BRINP3: variants seen among roughly 807,000 people sequenced by gnomAD.
BRINP3 encodes BMP/retinoic acid-inducible neural-specific protein 3.
In BRINP3, 19 loss-of-function variants were observed where a neutral mutation model predicts 71.0. That is an observed-to-expected ratio of 0.27 (90% CI 0.19 to 0.39). The LOEUF (loss-of-function observed/expected upper bound fraction) is 0.39, where lower values mean the gene tolerates loss of function less well. Among genes scored for constraint, BRINP3 ranks in the 10% least tolerant of loss-of-function variants. BRINP3 has a pLI of 1.00. For synonymous variants in BRINP3, 380 were observed against 337.7 expected (o/e 1.13, Z -1.37); for missense variants, 959 against 940.8 (o/e 1.02, Z -0.25).
chr1:190,123,334 G>A (rs1174731462), intron 7 of BRINP3, among the ~76,000 whole-genome samples: 1 of 152,036 alleles, frequency 6.6e-6, no homozygotes, highest in Non-Finnish European at 1.5e-5. Context: ...TATACTGCTT[G>A]CTTTGTCATT....
At chr1:190,284,036 T>C (rs1663239424) in intron 2 of BRINP3, among the ~76,000 whole-genome samples, 1 of 152,020 alleles carries the variant, frequency 6.6e-6, no homozygotes, top group African/African-American at 2.4e-5. Context: ...GATTCAATGG[T>C]AATATTTTAT....
intron 3 of BRINP3, among the ~76,000 whole-genome samples, chr1:190,278,010 T>G (rs1477550606): frequency 6.6e-6 from 1 of 151,808 alleles, no homozygotes; most frequent in Non-Finnish European, 1.5e-5. Context: ...ATTCAATCAC[T>G]GGCTTTATCT....
intron 3 of BRINP3, among the ~76,000 whole-genome samples, chr1:190,265,716 AAAATAAAT>A (rs1418531636): frequency 1.3e-5 from 2 of 151,564 alleles, no homozygotes; most frequent in African/African-American, 4.8e-5. Context: ...CTCCGTCTCA[AAAATAAAT>A]AAATAAATAA....
intron 2 of BRINP3, among the ~76,000 whole-genome samples, chr1:190,295,637 C>T (rs1255550795): frequency 6.6e-6 from 1 of 152,076 alleles, no homozygotes; most frequent in Non-Finnish European, 1.5e-5. Flanking sequence ...CTCTCTGGTG[C>T]AGAGACGTCT....
intron 2 of BRINP3, among the ~76,000 whole-genome samples, chr1:190,374,875 C>T (rs180863451): frequency 4.6e-5 from 7 of 152,038 alleles, no homozygotes; most frequent in African/African-American, 1.7e-4. Context: ...TGGAAAAATA[C>T]ACAGGTATGA....
intron 2 of BRINP3, among the ~76,000 whole-genome samples, chr1:190,394,887 G>C (rs1671471321): frequency 6.6e-6 from 1 of 151,554 alleles, no homozygotes; most frequent in South Asian, 2.1e-4. Context: ...CTCTGGAAAG[G>C]GAAAGACTGT....
At chr1:190,445,964 G>C (rs1053870249) in intron 2 of BRINP3, among the ~76,000 whole-genome samples, 1 of 151,942 alleles carries the variant, frequency 6.6e-6, no homozygotes. Context: ...TAACAAACAT[G>C]AATACACTAT....
chr1:190,473,938 A>G (rs1677323317), intron 1 of BRINP3, among the ~76,000 whole-genome samples: 1 of 151,902 alleles, frequency 6.6e-6, no homozygotes. Flanking sequence ...TGGAGAAAAT[A>G]ATGGAAATAC....
At chr1:190,174,317 A>T (rs1323080965) in intron 6 of BRINP3, among the ~76,000 whole-genome samples, 1 of 152,100 alleles carries the variant, frequency 6.6e-6, no homozygotes, top group African/African-American at 2.4e-5. Flanking sequence ...ATTTTCCACT[A>T]TGTAGTTATT....
intron 2 of BRINP3, among the ~76,000 whole-genome samples, chr1:190,357,136 T>A (rs1668783794): frequency 6.6e-6 from 1 of 151,984 alleles, no homozygotes; most frequent in African/African-American, 2.4e-5. Context: ...CTATTTTATA[T>A]CAGTCAGGTT....
chr1:190,120,831 T>G (rs1385008793), intron 7 of BRINP3, among the ~76,000 whole-genome samples: 2 of 152,070 alleles, frequency 1.3e-5, no homozygotes, highest in Admixed American at 6.6e-5. Flanking sequence ...GTGCAAAATT[T>G]TTCTAAAACT....
intron 2 of BRINP3, among the ~76,000 whole-genome samples, chr1:190,317,784 T>G (rs977333849): frequency 1.3e-5 from 2 of 152,156 alleles, no homozygotes; most frequent in Admixed American, 1.3e-4. Flanking sequence ...TGCTGTAAGA[T>G]TTTTACTTTA....
chr1:190,358,518 G>T (rs947927143), intron 2 of BRINP3, among the ~76,000 whole-genome samples: 5 of 152,160 alleles, frequency 3.3e-5, no homozygotes, highest in African/African-American at 1.2e-4. Context: ...AACAACAGGT[G>T]CTGGAGAGGA....
intron 6 of BRINP3, among the ~76,000 whole-genome samples, chr1:190,223,249 T>C (rs538381874): frequency 1.3e-5 from 2 of 151,848 alleles, no homozygotes; most frequent in African/African-American, 2.4e-5. Flanking sequence ...TCAATATCAC[T>C]GATGAGCAGA....
At chr1:190,218,414 T>C (rs543367040) in intron 6 of BRINP3, among the ~76,000 whole-genome samples, 5 of 152,116 alleles carry the variant, frequency 3.3e-5, no homozygotes, top group Admixed American at 6.6e-5. Flanking sequence ...ACCATGATTT[T>C]AAAATCATTT....
intron 6 of BRINP3, among the ~76,000 whole-genome samples, chr1:190,202,192 G>A (rs992860485): frequency 6.6e-6 from 1 of 152,166 alleles, no homozygotes; most frequent in Non-Finnish European, 1.5e-5. Flanking sequence ...TGATCTGGAT[G>A]TGAGACATGA....
chr1:190,234,304 A>C lies in BRINP3; in HGVS notation c.724+68T>G, dbSNP rs946323751. On this transcript the variant is annotated intron_variant, in intron 5 of 7. Coordinates refer to ENST00000367462, the MANE Select transcript of BRINP3 (RefSeq NM_199051.3). The stretch of plus-strand genomic sequence containing the variant: ...ATATGCAGTTTACTTTAAAAAATGG[A>C]AAAGAAATCACGACTGGATAATTGC... The C allele has an allele frequency of 1.0e-4, 125 of 1,212,656 alleles. No homozygotes were observed. The African/African-American group carries it at 1.8e-3, about 18-fold the overall frequency. The allele number at this position is 1,212,656 out of a possible 1,614,324, so 75.1% of individuals were successfully genotyped here.
At chr1:190,395,000 A>ACATTGC in intron 2 of BRINP3, among the ~76,000 whole-genome samples, 1 of 151,856 alleles carries the variant, frequency 6.6e-6, no homozygotes, top group African/African-American at 2.4e-5. Flanking sequence ...GAAGTCTTGT[A>ACATTGC]CATTGCACTT....
chr1:190,330,154 T>C (rs2103077063), intron 2 of BRINP3, among the ~76,000 whole-genome samples: 1 of 151,810 alleles, frequency 6.6e-6, no homozygotes, highest in East Asian at 1.9e-4. Context: ...TAAAACAAAA[T>C]AGCTTCTGCA....
Sources: allele counts gnomAD v4.1 joint callset (sites outside exome capture counted in the v4.1 genomes callset), GRCh38; gene constraint gnomAD v4.1.1; transcripts MANE v1.5; gene names NCBI Gene and HGNC (gene_info 2026-07-23, HGNC 2026-07-21).